Variants in RSRC1 observed in about 807,000 individuals in gnomAD.
The protein encoded by RSRC1 is serine/Arginine-related protein 53.
In RSRC1, 39 loss-of-function variants were observed where a neutral mutation model predicts 49.1. The ratio of observed to expected loss-of-function variants is 0.79; its 90% CI spans 0.61 to 1.04. The LOEUF (loss-of-function observed/expected upper bound fraction) is 1.04, where lower values mean the gene tolerates loss of function less well. RSRC1 is among the 50% of genes least tolerant of loss of function. The pLI, the probability that RSRC1 is intolerant of heterozygous loss-of-function variation, is 0.00. For synonymous variants in RSRC1, 143 were observed against 130.8 expected (o/e 1.09, Z -0.63); for missense variants, 388 against 402.4 (o/e 0.96, Z 0.31).
chr3:158,259,337 G>A (rs780028650), intron 4 of RSRC1, among the ~76,000 whole-genome samples: 2 of 152,182 alleles, frequency 1.3e-5, no homozygotes, highest in Non-Finnish European at 2.9e-5. Flanking sequence ...GCCTCGTAGA[G>A]ATACTACTTT....
At chr3:158,198,628 C>T (rs986100258) in intron 3 of RSRC1, among the ~76,000 whole-genome samples, 8 of 152,186 alleles carry the variant, frequency 5.3e-5, no homozygotes, top group Admixed American at 3.9e-4. Context: ...TGGCTGGTAC[C>T]GGTTGTTCCT....
intron 6 of RSRC1, among the ~76,000 whole-genome samples, chr3:158,394,570 A>G (rs564817495): frequency 2.0e-5 from 3 of 152,154 alleles, no homozygotes; most frequent in Admixed American, 6.6e-5. Flanking sequence ...CCAAATCAAG[A>G]ACACAATTCC....
At chr3:158,288,795 T>C (rs1296986284) in intron 4 of RSRC1, among the ~76,000 whole-genome samples, 2 of 134,924 alleles carry the variant, frequency 1.5e-5, no homozygotes, top group African/African-American at 5.8e-5. Flanking sequence ...ATGTCAAGAA[T>C]AAAAAATCTG....
intron 3 of RSRC1, among the ~76,000 whole-genome samples, chr3:158,172,843 A>C (rs893291404): frequency 1.3e-5 from 2 of 152,154 alleles, no homozygotes; most frequent in African/African-American, 4.8e-5. Context: ...TAATTTAGTA[A>C]TGAAATAAAT....
At chr3:158,320,211 C>T (rs827116) in intron 5 of RSRC1, among the ~76,000 whole-genome samples, 144,096 of 152,290 alleles carry the variant, frequency 0.95, 68,277 homozygotes, top group East Asian at 1. Flanking sequence ...TGAGAAGTTA[C>T]TCTTACTTTG....
chr3:158,515,401 T>G (rs1219401886), intron 7 of RSRC1, among the ~76,000 whole-genome samples: 5 of 128,994 alleles, frequency 3.9e-5, no homozygotes, highest in African/African-American at 1.3e-4. Flanking sequence ...GAAAATTCTT[T>G]TCTTTAAGAA....
chr3:158,140,207 CTG>C (rs1559915490), intron 3 of RSRC1, among the ~76,000 whole-genome samples: 1 of 152,160 alleles, frequency 6.6e-6, no homozygotes, highest in African/African-American at 2.4e-5. Flanking sequence ...CCTTTGGAAT[CTG>C]TGCATTTTGA....
chr3:158,439,532 G>T (rs1736256903), intron 6 of RSRC1, among the ~76,000 whole-genome samples: 1 of 152,114 alleles, frequency 6.6e-6, no homozygotes, highest in Admixed American at 6.6e-5. Flanking sequence ...GATGAAGCTG[G>T]AAACCATCAT....
At position 158,151,351 on chromosome 3, in the gene RSRC1, A is replaced by G. The variant is rs541552142; in HGVS notation, c.320+27360A>G. On this transcript the variant is annotated intron_variant, in intron 3 of 9. Transcript: ENST00000611884. ...AGCAAGGCCTGTTTGTTCAGATTCT[A>G]CTCTGTGACTTTGTGTCTTCAAAGA... Among the ~76,000 whole-genome samples, 5 of 152,106 alleles carry G rather than the reference A, an allele frequency of 3.3e-5. No individual in the cohort carries two copies. In the South Asian group the frequency reaches 1.0e-3, roughly 32 times the overall value.
At chr3:158,142,221 A>G (rs887200439) in intron 3 of RSRC1, among the ~76,000 whole-genome samples, 4 of 152,184 alleles carry the variant, frequency 2.6e-5, no homozygotes, top group Non-Finnish European at 5.9e-5. Context: ...CCTTCATTGT[A>G]GATTTTTGTT....
intron 4 of RSRC1, among the ~76,000 whole-genome samples, chr3:158,209,701 T>G (rs1166780435): frequency 6.6e-6 from 1 of 152,182 alleles, no homozygotes; most frequent in Non-Finnish European, 1.5e-5. Context: ...ACTGAAATAC[T>G]TGTATTTATA....
chr3:158,159,020 C>T (rs1410240642), intron 3 of RSRC1, among the ~76,000 whole-genome samples: 1 of 151,730 alleles, frequency 6.6e-6, no homozygotes, highest in Non-Finnish European at 1.5e-5. Context: ...GTCTTTTCTA[C>T]TTTTTGTTCT....
At chr3:158,126,872 T>A (rs1715658694) in intron 3 of RSRC1, among the ~76,000 whole-genome samples, 1 of 150,268 alleles carries the variant, frequency 6.7e-6, no homozygotes. Context: ...ATTGACAGGG[T>A]TTTTTTTGTT....
intron 4 of RSRC1, among the ~76,000 whole-genome samples, chr3:158,207,678 C>T (rs201201853): frequency 1.4e-4 from 9 of 65,508 alleles, no homozygotes; most frequent in East Asian, 6.7e-4. Context: ...GAGAGACAGA[C>T]AGACAGACAG....
chr3:158,444,609 A>G (rs189406575), intron 6 of RSRC1, among the ~76,000 whole-genome samples: 1 of 152,308 alleles, frequency 6.6e-6, no homozygotes, highest in Admixed American at 6.5e-5. Flanking sequence ...CAAGGACTTC[A>G]TGTCTAAAAC....
At position 158,192,166 on chromosome 3, in the gene RSRC1, T is replaced by C. The variant is rs73874326; in HGVS notation, c.321-10906T>C. On this transcript the variant is annotated intron_variant, in intron 3 of 9. Transcript: ENST00000611884. ...GATTAAAACAATGAACATTAAGACA[T>C]AGAGGGCAGGGGGAAGGTCCAATAG... Among the ~76,000 whole-genome samples, 222 of 152,136 alleles carry C rather than the reference T, an allele frequency of 1.5e-3. 1 individual carries two copies. The highest frequency in any genetic ancestry group is 5.1e-3 in the African/African-American group (210 of 41,538).
intron 6 of RSRC1, among the ~76,000 whole-genome samples, chr3:158,413,552 A>C (rs1050342127): frequency 2.0e-4 from 30 of 152,198 alleles, no homozygotes; most frequent in African/African-American, 6.3e-4. Flanking sequence ...GTCAGCAGAC[A>C]ACCTATAGAA....
chr3:158,310,660 T>G (rs1180686976), intron 5 of RSRC1, among the ~76,000 whole-genome samples: 1 of 151,744 alleles, frequency 6.6e-6, no homozygotes. Context: ...GAAGCAACTT[T>G]TAAAAATATG....
chr3:158,479,836 T>TAACA (rs1738537331), intron 7 of RSRC1, among the ~76,000 whole-genome samples: 1 of 152,068 alleles, frequency 6.6e-6, no homozygotes, highest in African/African-American at 2.4e-5. Flanking sequence ...GCCTAATTAC[T>TAACA]AACAGATTTT....
Sources: allele counts gnomAD v4.1 joint callset (sites outside exome capture counted in the v4.1 genomes callset), GRCh38; gene constraint gnomAD v4.1.1; transcripts MANE v1.5; gene names NCBI Gene and HGNC (gene_info 2026-07-23, HGNC 2026-07-21).